PARD3B: variants seen among roughly 807,000 people sequenced by gnomAD.
PARD3B encodes partitioning defective 3 homolog B.
A neutral mutation model predicts 130.2 loss-of-function variants in PARD3B; 103 were observed. The ratio of observed to expected loss-of-function variants is 0.79; its 90% CI spans 0.67 to 0.93. The LOEUF is 0.93. Ranked by LOEUF, PARD3B falls within the 40% of genes least tolerant of loss-of-function variation. The pLI is 0.00. For missense variants in PARD3B, 1,609 were observed against 1,499.2 expected (o/e 1.07, Z -1.21); for synonymous variants, 583 against 553.2 (o/e 1.05, Z -0.76).
chr2:205,580,640 C>A (rs1414685394), intron 22 of PARD3B, among the ~76,000 whole-genome samples: 5 of 152,308 alleles, frequency 3.3e-5, no homozygotes, highest in African/African-American at 1.2e-4. Context: ...GTATGTCTTA[C>A]TCTATATGAC....
intron 2 of PARD3B, among the ~76,000 whole-genome samples, chr2:204,780,149 G>T (rs1365835122): frequency 6.6e-6 from 1 of 152,116 alleles, no homozygotes; most frequent in East Asian, 1.9e-4. Context: ...CTCTCTGGGA[G>T]GTGTTCAGTA....
intron 4 of PARD3B, among the ~76,000 whole-genome samples, chr2:205,089,734 C>T (rs1226452602): frequency 6.6e-6 from 1 of 152,166 alleles, no homozygotes; most frequent in Non-Finnish European, 1.5e-5. Context: ...TTTTGTTCAA[C>T]TTTTTTGTAT....
At chr2:205,266,949 C>T (rs1186574090) in intron 16 of PARD3B, among the ~76,000 whole-genome samples, 1 of 151,968 alleles carries the variant, frequency 6.6e-6, no homozygotes, top group Admixed American at 6.6e-5. Flanking sequence ...GGATTTTCAA[C>T]AAAAACGATC....
chr2:205,530,015 G>T lies in PARD3B; in HGVS notation c.3181-23309G>T, dbSNP rs2051517174. On this transcript the variant is annotated intron_variant, in intron 21 of 22. Transcript: ENST00000406610. This position sits in a 1 kb window ranked among gnomAD's most constrained non-coding sequence, Gnocchi z 4.7. ...AGAAACTATACCAACTGCCACCTTG[G>T]TATAGGCAGGCAAAGAAAGGTGCCA... Among the ~76,000 whole-genome samples, 1 of 152,112 alleles carries T rather than the reference G, an allele frequency of 6.6e-6. No homozygotes were observed. The highest frequency in any genetic ancestry group is 1.5e-5 in the Non-Finnish European group (1 of 68,024).
chr2:205,415,781 A>G (rs1254206072), intron 19 of PARD3B, among the ~76,000 whole-genome samples: 2 of 152,142 alleles, frequency 1.3e-5, no homozygotes, highest in African/African-American at 2.4e-5. Context: ...GTGAACCAAC[A>G]TGGGAATTTA....
chr2:205,349,710 T>TTC (rs2043922829), intron 18 of PARD3B, among the ~76,000 whole-genome samples: 2 of 152,006 alleles, frequency 1.3e-5, no homozygotes, highest in African/African-American at 4.8e-5. Flanking sequence ...TAACACTCAG[T>TTC]TACCTAACAT....
chr2:205,187,411 G>A lies in PARD3B; in HGVS notation c.2024+1548G>A, dbSNP rs2125791091. Among the ~76,000 whole-genome samples, 1 of 152,304 alleles carries A rather than the reference G, an allele frequency of 6.6e-6. No individual in the cohort carries two copies. The highest frequency in any genetic ancestry group is 3.4e-3 in the Middle Eastern group (1 of 294). On this transcript the variant is annotated intron_variant, in intron 14 of 22. Coordinates refer to ENST00000406610, the MANE Select transcript of PARD3B (RefSeq NM_001302769.2). The surrounding 1 kb of genome is among the most constrained non-coding windows in gnomAD (Gnocchi z 4.9). ...GCAGGGTTTTCGCAGGTAATACACA[G>A]AATGAAACCTGGGTTTTTTGTGTGT...
rs534536393 is a variant in PARD3B at position 204,703,012 on chromosome 2, A to T, written c.222+16730A>T. ...ATTCCAATTAGAATTTACTTTATTG[A>T]TACTTTATTAATTTTAGGCATAGTG... On this transcript the variant is annotated intron_variant, in intron 2 of 22. Coordinates refer to ENST00000406610, the MANE Select transcript of PARD3B (RefSeq NM_001302769.2). 1.2e-4 allele frequency among the ~76,000 whole-genome samples: 18 copies of T among 152,300 alleles called. No homozygotes were observed. In the South Asian group the frequency reaches 3.7e-3, roughly 32 times the overall value.
intron 1 of PARD3B, among the ~76,000 whole-genome samples, chr2:204,578,107 C>T (rs574797106): frequency 1.3e-5 from 2 of 152,270 alleles, no homozygotes; most frequent in African/African-American, 4.8e-5. Flanking sequence ...GCCCAAATGT[C>T]GGTAGTACAG....
chr2:205,029,613 G>A (rs1260917390), intron 3 of PARD3B, among the ~76,000 whole-genome samples: 1 of 152,108 alleles, frequency 6.6e-6, no homozygotes, highest in Non-Finnish European at 1.5e-5. Context: ...CTCCTACAGC[G>A]CTTTCCAGTG....
intron 2 of PARD3B, among the ~76,000 whole-genome samples, chr2:204,952,917 A>G (rs1559293917): frequency 6.6e-6 from 1 of 151,730 alleles, no homozygotes; most frequent in South Asian, 2.1e-4. Flanking sequence ...GAATGGCGTG[A>G]ACCCAGGAGG....
At chr2:205,294,702 G>A (rs2041725954) in intron 16 of PARD3B, among the ~76,000 whole-genome samples, 1 of 152,092 alleles carries the variant, frequency 6.6e-6, no homozygotes, top group Non-Finnish European at 1.5e-5. Context: ...TGAACATTTT[G>A]ATGTGAATTT....
chr2:204,752,905 A>G (rs1347864780), intron 2 of PARD3B, among the ~76,000 whole-genome samples: 1 of 152,172 alleles, frequency 6.6e-6, no homozygotes, highest in African/African-American at 2.4e-5. Context: ...ACAGTGTACT[A>G]TACAGGTTAA....
chr2:205,552,193 T>TAAAC (rs2052675733), intron 21 of PARD3B, among the ~76,000 whole-genome samples: 1 of 151,792 alleles, frequency 6.6e-6, no homozygotes, highest in Non-Finnish European at 1.5e-5. Flanking sequence ...CCAAGAGAGG[T>TAAAC]AAACACAGGA....
chr2:205,577,025 C>G (rs1241660101), intron 22 of PARD3B, among the ~76,000 whole-genome samples: 1 of 152,002 alleles, frequency 6.6e-6, no homozygotes, highest in Non-Finnish European at 1.5e-5. Context: ...AGCTTTATAC[C>G]TAAGTATTTC....
chr2:205,282,924 A>C (rs1205676609), intron 16 of PARD3B, among the ~76,000 whole-genome samples: 2 of 152,218 alleles, frequency 1.3e-5, no homozygotes, highest in Non-Finnish European at 1.5e-5. Context: ...AAACTTGCTT[A>C]GTTCTGACTG....
intron 2 of PARD3B, among the ~76,000 whole-genome samples, chr2:204,840,377 T>C (rs1316663714): frequency 2.0e-5 from 3 of 152,078 alleles, no homozygotes; most frequent in Non-Finnish European, 4.4e-5. Context: ...TAATAGAAAG[T>C]GGGGAATATC....
Position 205,597,496 on chromosome 2 carries a change from G to A in PARD3B, c.3261-17960G>A, listed in dbSNP as rs188758238. Among the ~76,000 whole-genome samples the A allele has an allele frequency of 2.1e-4, 32 of 152,300 alleles. No individual in the cohort carries two copies. In the East Asian group the frequency reaches 2.1e-3, roughly 10 times the overall value. ...AGCATTGTAATAAACAAAGAGGTAC[G>A]TGTGTCTTTTTGGTTGAATGATTTA... On this transcript the variant is annotated intron_variant, in intron 22 of 22. Transcript: ENST00000406610.
chr2:205,498,231 G>T (rs545064517), intron 20 of PARD3B, among the ~76,000 whole-genome samples: 1 of 149,716 alleles, frequency 6.7e-6, no homozygotes, highest in Non-Finnish European at 1.5e-5. Context: ...GCCAGGCGTG[G>T]TGGCTCACGC....
Sources: gnomAD v4.1 joint callset for allele counts (sites outside exome capture counted in the v4.1 genomes callset) on GRCh38, gnomAD v4.1.1 for gene constraint, Gnocchi (gnomAD v3.1) non-coding constraint, MANE v1.5 for transcripts, NCBI Gene and HGNC (gene_info 2026-07-23, HGNC 2026-07-21) for gene names.